Variants in CCDC85A observed in about 807,000 individuals in gnomAD.
CCDC85A encodes coiled-coil domain-containing protein 85A.
Under a neutral mutation model 50.2 loss-of-function variants are expected in CCDC85A, and 38 were observed. The observed-to-expected ratio is 0.76, with a 90% CI of 0.58 to 0.99. The LOEUF (loss-of-function observed/expected upper bound fraction) is 0.99. Among genes scored for constraint, CCDC85A ranks in the 50% least tolerant of loss-of-function variants. The pLI is 0.00. For synonymous variants in CCDC85A, 366 were observed against 301.4 expected (o/e 1.21, Z -2.22); for missense variants, 820 against 742.0 (o/e 1.11, Z -1.22).
intron 2 of CCDC85A, among the ~76,000 whole-genome samples, chr2:56,247,494 C>T (rs1389689421): frequency 6.6e-6 from 1 of 152,170 alleles, no homozygotes; most frequent in Non-Finnish European, 1.5e-5. Flanking sequence ...GTGTTTTCCT[C>T]TAGCTCATTG....
intron 2 of CCDC85A, among the ~76,000 whole-genome samples, chr2:56,238,501 G>A (rs555693910): frequency 6.6e-6 from 1 of 151,494 alleles, no homozygotes; most frequent in Non-Finnish European, 1.5e-5. Context: ...TATTAAAAAG[G>A]TTTATTATCT....
intron 2 of CCDC85A, among the ~76,000 whole-genome samples, chr2:56,267,673 A>T (rs1670512973): frequency 6.6e-6 from 1 of 152,186 alleles, no homozygotes; most frequent in Non-Finnish European, 1.5e-5. Flanking sequence ...CTATATTTTA[A>T]AAAGTTAACC....
chr2:56,360,823 C>T (rs976105747), intron 3 of CCDC85A, among the ~76,000 whole-genome samples: 1 of 152,200 alleles, frequency 6.6e-6, no homozygotes, highest in African/African-American at 2.4e-5. Context: ...ATAGGCTAAA[C>T]AGAAGCAGTG....
intron 2 of CCDC85A, among the ~76,000 whole-genome samples, chr2:56,306,553 G>T (rs1041032689): frequency 6.6e-6 from 1 of 152,174 alleles, no homozygotes; most frequent in East Asian, 1.9e-4. Context: ...AAAAAAATGG[G>T]TTTCTCAATT....
At chr2:56,353,289 C>T (rs1675049403) in intron 3 of CCDC85A, among the ~76,000 whole-genome samples, 1 of 152,186 alleles carries the variant, frequency 6.6e-6, no homozygotes, top group South Asian at 2.1e-4. Flanking sequence ...AGATAACATG[C>T]AGTCCCCTTA....
At chr2:56,219,135 GCA>G (rs1668209036) in intron 2 of CCDC85A, among the ~76,000 whole-genome samples, 1 of 149,304 alleles carries the variant, frequency 6.7e-6, no homozygotes, top group African/African-American at 2.5e-5. Context: ...ATCCATGCAT[GCA>G]CACACACACT....
intron 3 of CCDC85A, among the ~76,000 whole-genome samples, chr2:56,369,262 A>G (rs1404276156): frequency 1.3e-5 from 2 of 152,112 alleles, no homozygotes; most frequent in Non-Finnish European, 2.9e-5. Flanking sequence ...ATTGTGAGCA[A>G]TAAGGGAAAG....
chr2:56,288,595 G>A (rs1230191510), intron 2 of CCDC85A, among the ~76,000 whole-genome samples: 1 of 152,044 alleles, frequency 6.6e-6, no homozygotes, highest in Non-Finnish European at 1.5e-5. Context: ...GCATGAAAAT[G>A]ACATTTCCAG....
intron 1 of CCDC85A, among the ~76,000 whole-genome samples, chr2:56,189,297 G>GTTTTTT (rs70955011): frequency 6.6e-5 from 8 of 121,958 alleles, no homozygotes; most frequent in Admixed American, 2.6e-4. Context: ...TATTTTTGGT[G>GTTTTTT]TTTTTTTTTT....
chr2:56,230,594 C>A (rs1185992966), intron 2 of CCDC85A, among the ~76,000 whole-genome samples: 1 of 152,190 alleles, frequency 6.6e-6, no homozygotes, highest in Non-Finnish European at 1.5e-5. Context: ...CATGGCTGAT[C>A]CTCCTTGTCA....
intron 3 of CCDC85A, 53 bp from the exon 4 acceptor site, chr2:56,372,291 C>CT (rs1676111815): frequency 6.9e-7 from 1 of 1,446,684 alleles, no homozygotes; most frequent in Non-Finnish European, 9.2e-7. Flanking sequence ...TTTCTTGAGA[C>CT]TTGGGAAACA....
chr2:56,288,431 A>G (rs1671547042), intron 2 of CCDC85A, among the ~76,000 whole-genome samples: 1 of 152,190 alleles, frequency 6.6e-6, no homozygotes, highest in African/African-American at 2.4e-5. Context: ...AATACAAACT[A>G]GTTTAATGTT....
chr2:56,317,025 A>G (rs1264147217), intron 2 of CCDC85A, among the ~76,000 whole-genome samples: 3 of 152,054 alleles, frequency 2.0e-5, no homozygotes. Flanking sequence ...TCAGACGGCA[A>G]ATTTTAGCTT....
intron 2 of CCDC85A, among the ~76,000 whole-genome samples, chr2:56,257,591 G>A (rs573221384): frequency 6.6e-6 from 1 of 152,184 alleles, no homozygotes; most frequent in Non-Finnish European, 1.5e-5. Flanking sequence ...AGGTAGGTTT[G>A]GGCATATTGT....
intron 2 of CCDC85A, among the ~76,000 whole-genome samples, chr2:56,206,286 A>G (rs918191727): frequency 1.1e-4 from 16 of 152,236 alleles, no homozygotes; most frequent in Admixed American, 8.5e-4. Flanking sequence ...TAGCATTAAA[A>G]AAATCTTGTT....
intron 2 of CCDC85A, among the ~76,000 whole-genome samples, chr2:56,233,099 G>A (rs1447737155): frequency 6.6e-6 from 1 of 152,152 alleles, no homozygotes; most frequent in East Asian, 1.9e-4. Flanking sequence ...CACCTCTGCA[G>A]GACTGTCTCT....
chr2:56,233,960 T>C (rs751433581), intron 2 of CCDC85A, among the ~76,000 whole-genome samples: 4 of 152,210 alleles, frequency 2.6e-5, no homozygotes, highest in Non-Finnish European at 5.9e-5. Flanking sequence ...AAATTGGAAA[T>C]GCAAGGGCTG....
chr2:56,323,541 C>A (rs530930636), intron 2 of CCDC85A, among the ~76,000 whole-genome samples: 1 of 151,954 alleles, frequency 6.6e-6, no homozygotes, highest in African/African-American at 2.4e-5. Flanking sequence ...TCCAAATGCC[C>A]CCCTTGTTGA....
At chr2:56,382,452 C>G (rs758103019) in intron 5 of CCDC85A, among the ~76,000 whole-genome samples, 9 of 151,920 alleles carry the variant, frequency 5.9e-5, no homozygotes, top group Non-Finnish European at 8.8e-5. Flanking sequence ...GTTAGCTATT[C>G]TCTTCCCAAA....
Sources: allele counts gnomAD v4.1 joint callset (sites outside exome capture counted in the v4.1 genomes callset), GRCh38; gene constraint gnomAD v4.1.1; transcripts MANE v1.5; gene names NCBI Gene and HGNC (gene_info 2026-07-23, HGNC 2026-07-21).